The following NCOA3 variants were observed in gnomAD, a reference collection of about 807,000 sequenced individuals.
NCOA3 encodes the protein CBP-interacting protein.
A neutral mutation model predicts 158.8 loss-of-function variants in NCOA3; 51 were observed. The observed-to-expected ratio is 0.32, with a 90% CI of 0.26 to 0.41. The LOEUF is 0.41. Ranked by LOEUF, NCOA3 falls within the 10% of genes least tolerant of loss-of-function variation. NCOA3 has a pLI of 1.00. For synonymous variants in NCOA3, 537 were observed against 592.4 expected, an observed-to-expected ratio of 0.91 and a Z score of 1.36; for missense variants, 1,510 against 1,746.6, an observed-to-expected ratio of 0.86 and a Z score of 2.41.
rs748020033 is a variant in NCOA3, at chr20:47,627,710, G to C, written c.682G>C (p.Ala228Pro). Residue 228 changes from alanine (A) to proline (P), a missense_variant, in exon 7 of 23, where the codon GCC becomes CCC. Around this residue, in one of 4 missense-constraint regions of NCOA3, gnomAD observed 309 missense variants for 427.1 expected, o/e 0.72. Coordinates refer to ENST00000371998, the MANE Select transcript of NCOA3 (RefSeq NM_181659.3). ...RQRYETMQCF[A>P]LSQPRAMMEE... is the part of the protein sequence containing the mutation. ...GAGATATGAAACAATGCAGTGCTTT[G>C]CCCTGTCTCAGCCACGAGCTATGAT... The C allele has an allele frequency of 1.1e-5, 17 of 1,614,086 alleles. No individual in the cohort carries two copies. The South Asian group carries it at 1.9e-4, about 18-fold the overall frequency.
chr20:47,565,095 C>T (rs1187381427), intron 1 of NCOA3, among the ~76,000 whole-genome samples: 1 of 152,116 alleles, frequency 6.6e-6, no homozygotes, highest in Non-Finnish European at 1.5e-5. Flanking sequence ...AATTCTCCTG[C>T]CTCAGCCTCC....
intron 1 of NCOA3, among the ~76,000 whole-genome samples, chr20:47,520,272 T>C (rs1308462114): frequency 6.9e-6 from 1 of 145,480 alleles, no homozygotes; most frequent in Non-Finnish European, 1.5e-5. Flanking sequence ...TTCTCTTTAC[T>C]GCTTCTCTCT....
intron 18 of NCOA3, 152 bp downstream of exon 18, chr20:47,647,518 G>C (rs2086709128): frequency 2.7e-6 from 2 of 734,924 alleles, no homozygotes; most frequent in African/African-American, 1.8e-5. Flanking sequence ...TGTACAAATG[G>C]CTCCTTGTTA....
intron 1 of NCOA3, among the ~76,000 whole-genome samples, chr20:47,549,697 C>A (rs922279587): frequency 2.4e-4 from 37 of 151,146 alleles, no homozygotes; most frequent in African/African-American, 8.8e-4. Context: ...CTCTTAAATT[C>A]TTCTTCTTTC....
chr20:47,622,284 A>T lies in NCOA3; in HGVS notation c.37A>T (p.Ser13Cys). Residue 13 changes from serine to cysteine, a missense_variant, in exon 3 of 23, where the codon AGT (serine) becomes TGT (cysteine). By Grantham distance (112) the Ser-to-Cys change is moderately radical. This residue lies in a region of NCOA3 where 309 missense variants were observed against 427.1 expected (regional missense o/e 0.72). Coordinates refer to ENST00000371998, the MANE Select transcript of NCOA3 (RefSeq NM_181659.3). ...GLGENLDPLA[S>C]DSRKRKLPCD... is the part of the protein sequence containing the mutation. ...AGGAGAAAACTTGGATCCACTGGCC[A>T]GTGATTCACGAAAACGCAAATTGCC... 1 of 1,608,096 alleles carries T rather than the reference A, an allele frequency of 6.2e-7. No homozygotes were observed. Among genetic ancestry groups the T allele is most frequent in the Non-Finnish European group, 8.5e-7 (1 of 1,177,780 alleles).
At chr20:47,532,324 G>A (rs546451788) in intron 1 of NCOA3, among the ~76,000 whole-genome samples, 1 of 152,082 alleles carries the variant, frequency 6.6e-6, no homozygotes, top group Non-Finnish European at 1.5e-5. Context: ...TAGTGAATTT[G>A]AAGAACAGCA....
At chr20:47,575,334 AAAGCT>A (rs2085355572) in intron 1 of NCOA3, among the ~76,000 whole-genome samples, 1 of 152,224 alleles carries the variant, frequency 6.6e-6, no homozygotes, top group Non-Finnish European at 1.5e-5. Flanking sequence ...ACGTATATGT[AAAGCT>A]TTTGCAAACC....
intron 1 of NCOA3, among the ~76,000 whole-genome samples, chr20:47,539,684 A>T (rs914974902): frequency 6.6e-6 from 1 of 152,200 alleles, no homozygotes; most frequent in Non-Finnish European, 1.5e-5. Flanking sequence ...ACCAAATTTC[A>T]TCAAGTTTAA....
chr20:47,637,060 A>C (rs539384973), intron 12 of NCOA3, among the ~76,000 whole-genome samples: 1 of 151,786 alleles, frequency 6.6e-6, no homozygotes, highest in African/African-American at 2.4e-5. Flanking sequence ...GTAATCAGGA[A>C]AAAAAAAACT....
chr20:47,653,628 G>A lies in NCOA3; in HGVS notation c.*211G>A, dbSNP rs2086832447. 1 of 586,426 alleles carries A rather than the reference G, an allele frequency of 1.7e-6. No homozygotes were observed. The highest frequency in any genetic ancestry group is 1.8e-5 in the African/African-American group (1 of 54,148). 36.3% of individuals were successfully genotyped at this position (586,426 alleles called of 1,614,324 possible). A position where few individuals can be genotyped will look rare whatever the true frequency, so the allele number is the denominator to read the frequency against. On this transcript the variant is annotated 3_prime_UTR_variant, in exon 23 of 23. Coordinates refer to ENST00000371998, the MANE Select transcript of NCOA3 (RefSeq NM_181659.3). ...CGTGTTTTTCCCCCCTCCTTCTGCTGTGTATCATGGTGTTCAAAACAGAAA... is the reference window on the plus strand; with the variant it reads ...CGTGTTTTTCCCCCCTCCTTCTGCTATGTATCATGGTGTTCAAAACAGAAA...
At chr20:47,629,596 G>A (rs2086381071) in intron 8 of NCOA3, among the ~76,000 whole-genome samples, 2 of 152,172 alleles carry the variant, frequency 1.3e-5, no homozygotes, top group African/African-American at 4.8e-5. Flanking sequence ...CTCCCAAAGT[G>A]TTGGGATTAC....
chr20:47,633,581 A>T lies in NCOA3; in HGVS notation c.909A>T (p.Arg303Ser). ...ATATAATCCGAAGGTGTATTCAGAG[A>T]TTTTTTAGTCTAAATGATGGGCAGT... ...FEDIIRRCIQ[R>S]FFSLNDGQSW... Residue 303 changes from arginine (R) to serine (S), a missense_variant, in exon 9 of 23, where the codon AGA becomes AGT. Arg to Ser is a moderately radical substitution (Grantham distance 110). This residue lies in a region of NCOA3 where 309 missense variants were observed against 427.1 expected (regional missense o/e 0.72). Coordinates refer to ENST00000371998, the MANE Select transcript of NCOA3 (RefSeq NM_181659.3). 6.2e-7 allele frequency: 1 copy of T among 1,613,996 alleles called. No individual in the cohort carries two copies. Among genetic ancestry groups the T allele is most frequent in the Non-Finnish European group, 8.5e-7 (1 of 1,179,936 alleles).
rs972550136 is a variant in NCOA3 at position 47,655,738 on chromosome 20, C to G, written c.*2321C>G. 1.3e-5 allele frequency: 2 copies of G among 152,156 alleles called. No individual in the cohort carries two copies. The highest frequency in any genetic ancestry group is 4.8e-5 in the African/African-American group (2 of 41,298). 9.4% of individuals were successfully genotyped at this position (152,156 alleles called of 1,614,324 possible). A position where few individuals can be genotyped will look rare whatever the true frequency, so the allele number is the denominator to read the frequency against. The stretch of plus-strand genomic sequence containing the variant: ...GTGTGGGGAGAAATAGAATGGTGCT[C>G]TTATCTTTCTTGACTTTAAAAAAAT... On this transcript the variant is annotated 3_prime_UTR_variant, in exon 23 of 23. Coordinates refer to ENST00000371998, the MANE Select transcript of NCOA3 (RefSeq NM_181659.3).
In NCOA3 at chr20:47,625,396, A is replaced by T. The variant is rs752579131; in HGVS notation, c.272A>T (p.Asn91Ile). 1 of 1,611,752 alleles carries T rather than the reference A, an allele frequency of 6.2e-7. No individual in the cohort carries two copies. Among genetic ancestry groups the T allele is most frequent in the Admixed American group, 1.7e-5 (1 of 59,968 alleles). Residue 91 changes from asparagine to isoleucine, a missense_variant, in exon 5 of 23, where the codon AAT becomes ATT. Transcript: ENST00000371998. ...GTCTTTTCAGGAAAAACTATTTCCA[A>T]TGATGATGATGTTCAAAAAGCCGAT... ...QIKEQGKTIS[N>I]DDDVQKADVS...
intron 1 of NCOA3, among the ~76,000 whole-genome samples, chr20:47,568,541 A>G (rs986507782): frequency 2.0e-5 from 3 of 152,218 alleles, no homozygotes; most frequent in African/African-American, 2.4e-5. Flanking sequence ...GGGTAGCTCC[A>G]TCCCAGCACT....
intron 19 of NCOA3, 54 bp downstream of exon 19, chr20:47,649,163 G>A: frequency 8.6e-7 from 1 of 1,166,952 alleles, no homozygotes; most frequent in South Asian, 1.5e-5. Context: ...GACAGGGCTT[G>A]GCCTGTGGTT....
At chr20:47,594,964 G>A (rs1167948870) in intron 2 of NCOA3, among the ~76,000 whole-genome samples, 1 of 147,196 alleles carries the variant, frequency 6.8e-6, no homozygotes, top group Non-Finnish European at 1.5e-5. Context: ...GCTAATTTTT[G>A]TATTTTTAGT....
At chr20:47,502,702 C>CGTTT (rs1556552776) in intron 1 of NCOA3, among the ~76,000 whole-genome samples, 1 of 139,326 alleles carries the variant, frequency 7.2e-6, no homozygotes. Flanking sequence ...TTTATTACTA[C>CGTTT]TTTTTTTTTT....
intron 1 of NCOA3, among the ~76,000 whole-genome samples, chr20:47,535,353 T>C (rs1295760719): frequency 6.6e-6 from 1 of 152,192 alleles, no homozygotes; most frequent in African/African-American, 2.4e-5. Flanking sequence ...CAGTGTGCTC[T>C]TTCAGTTTTG....
Sources: allele counts gnomAD v4.1 joint callset (sites outside exome capture counted in the v4.1 genomes callset), GRCh38; gene constraint gnomAD v4.1.1; regional missense constraint gnomAD v4.1.1; transcripts MANE v1.5; gene names NCBI Gene and HGNC (gene_info 2026-07-23, HGNC 2026-07-21).